S100A8: variants seen among roughly 807,000 people sequenced by gnomAD.
S100A8 encodes the protein S100 calcium binding protein A8, also known as protein S100-A8.
Under a neutral mutation model 4.2 loss-of-function variants are expected in S100A8, and 1 was observed. The ratio of observed to expected loss-of-function variants is 0.24; its 90% CI spans 0.08 to 1.12. The LOEUF is 1.12. Among genes scored for constraint, S100A8 ranks in the 50% most tolerant of loss-of-function variants. The pLI is 0.53. For missense variants in S100A8, 96 were observed against 111.8 expected (o/e 0.86, Z 0.64); for synonymous variants, 41 against 44.7 (o/e 0.92, Z 0.33).
chr1:153,417,866 G>A, the S100A8 span: 6 of 585,150 alleles, frequency 1.0e-5, no homozygotes, highest in South Asian at 9.2e-5. Context: ...TCTTGGCCCT[G>A]GCCAGGATGG....
At chr1:153,418,915 G>A in the S100A8 span, among the ~76,000 whole-genome samples, 1 of 152,080 alleles carries the variant, frequency 6.6e-6, no homozygotes, top group South Asian at 2.1e-4. Context: ...CTCGGGACAG[G>A]ACCTGCCTCC....
At chr1:153,403,731 A>T in the S100A8 span, among the ~76,000 whole-genome samples, 21,845 of 152,238 alleles carry the variant, frequency 0.14, 1,774 homozygotes, top group African/African-American at 0.23. Context: ...ATGGAATTCC[A>T]GAACCATTCT....
chr1:153,402,021 G>C, the S100A8 span, among the ~76,000 whole-genome samples: 1 of 152,146 alleles, frequency 6.6e-6, no homozygotes, highest in East Asian at 1.9e-4. Context: ...AGGGGGAGCT[G>C]CTAGATGCAT....
chr1:153,414,200 G>A, the S100A8 span, among the ~76,000 whole-genome samples: 1 of 152,110 alleles, frequency 6.6e-6, no homozygotes, highest in South Asian at 2.1e-4. Flanking sequence ...CTTGGTTTTG[G>A]TGATGACTTT....
In S100A8 at chr1:153,390,058, G is replaced by A; in HGVS notation, c.*45C>T. ...GAGGTATTGATGACTTTATTATTCT[G>A]CAGGTACATGTCCAGGGGCCCAGCC... is the stretch of plus-strand genomic sequence containing the variant. On this transcript the variant is annotated 3_prime_UTR_variant, in exon 3 of 3. Transcript: ENST00000368733. The A allele has an allele frequency of 6.5e-7, 1 of 1,544,130 alleles. No individual in the cohort carries two copies. The highest frequency in any genetic ancestry group is 8.8e-7 in the Non-Finnish European group (1 of 1,134,136).
the S100A8 span, among the ~76,000 whole-genome samples, chr1:153,402,333 C>G: frequency 1.3e-5 from 2 of 152,144 alleles, no homozygotes; most frequent in East Asian, 3.9e-4. Context: ...CATTTCTAAC[C>G]CAGGCCCATG....
chr1:153,395,771 G>C (rs1342113659), upstream of S100A8, among the ~76,000 whole-genome samples: 2 of 152,210 alleles, frequency 1.3e-5, no homozygotes, highest in East Asian at 1.9e-4. Flanking sequence ...ACTTCCTACT[G>C]TTTTCTCCAT....
the S100A8 span, chr1:153,421,570 G>A: frequency 1.3e-5 from 2 of 152,176 alleles, no homozygotes; most frequent in East Asian, 1.9e-4. Context: ...TCCAGTCCTG[G>A]AGGCAGGTTG....
chr1:153,418,872 G>A, the S100A8 span, among the ~76,000 whole-genome samples: 2 of 152,260 alleles, frequency 1.3e-5, no homozygotes, highest in African/African-American at 4.8e-5. Flanking sequence ...TGGGGCAGGG[G>A]ACTGCTCTCC....
the S100A8 span, chr1:153,417,255 T>G: frequency 2.6e-5 from 4 of 152,300 alleles, no homozygotes; most frequent in African/African-American, 9.6e-5. Context: ...GGCTGGCTAC[T>G]GGCTGGAAGA....
chr1:153,397,092 T>C, the S100A8 span, among the ~76,000 whole-genome samples: 1 of 152,232 alleles, frequency 6.6e-6, no homozygotes, highest in Non-Finnish European at 1.5e-5. Flanking sequence ...TCGCATCCAC[T>C]GGCAGTAGCT....
At chr1:153,402,889 G>C in the S100A8 span, among the ~76,000 whole-genome samples, 1 of 152,206 alleles carries the variant, frequency 6.6e-6, no homozygotes, top group Non-Finnish European at 1.5e-5. Context: ...CGGTAACTAA[G>C]ATACTGCCTG....
chr1:153,406,368 C>T, the S100A8 span, among the ~76,000 whole-genome samples: 1 of 152,034 alleles, frequency 6.6e-6, no homozygotes, highest in South Asian at 2.1e-4. Flanking sequence ...GAGAAGGCTT[C>T]ACAGAGAAAG....
chr1:153,403,224 T>C, the S100A8 span, among the ~76,000 whole-genome samples: 1 of 152,248 alleles, frequency 6.6e-6, no homozygotes, highest in Non-Finnish European at 1.5e-5. Flanking sequence ...TTAGCTCTTA[T>C]GTGTAGGGCT....
chr1:153,418,189 TGAA>T, the S100A8 span: 3 of 1,613,980 alleles, frequency 1.9e-6, no homozygotes, highest in Admixed American at 1.7e-5. Flanking sequence ...CTGACGATGA[TGAA>T]GGAGAACTTC....
the S100A8 span, among the ~76,000 whole-genome samples, chr1:153,413,801 C>T: frequency 6.6e-6 from 1 of 151,758 alleles, no homozygotes. Flanking sequence ...CTCAGAAGGC[C>T]GAGGCAGGAG....
At chr1:153,415,585 A>T in the S100A8 span, among the ~76,000 whole-genome samples, 1 of 152,082 alleles carries the variant, frequency 6.6e-6, no homozygotes, top group Admixed American at 6.6e-5. Context: ...CAAGGGCACA[A>T]CTCCCAACTC....
chr1:153,391,937 C>T (rs1662109834), upstream of S100A8, among the ~76,000 whole-genome samples: 2 of 152,046 alleles, frequency 1.3e-5, no homozygotes, highest in South Asian at 4.1e-4. Flanking sequence ...GCGCTTCATG[C>T]CTAAGAGGAG....
chr1:153,390,428 T>G lies in S100A8; in HGVS notation c.108A>C (p.Lys36Asn). The G allele has an allele frequency of 6.2e-7, 1 of 1,614,112 alleles. No individual in the cohort carries two copies. Among genetic ancestry groups the G allele is most frequent in the Non-Finnish European group, 8.5e-7 (1 of 1,180,000 alleles). Residue 36 changes from lysine (K) to asparagine (N), a missense_variant, in exon 2 of 3, where the codon AAA becomes AAC. Coordinates refer to ENST00000368733, the MANE Select transcript of S100A8 (RefSeq NM_002964.5). ...FHAVYRDDLK[K>N]LLETECPQYI... The stretch of plus-strand genomic sequence containing the variant: ...ACTGAGGACACTCGGTCTCTAGCAA[T>G]TTCTTCAGGTCATCCCTGTAGACGG...
Sources: gnomAD v4.1 joint callset for allele counts (sites outside exome capture counted in the v4.1 genomes callset) on GRCh38, gnomAD v4.1.1 for gene constraint, MANE v1.5 for transcripts, NCBI Gene and HGNC (gene_info 2026-07-23, HGNC 2026-07-21) for gene names.